The following FAM193B variants were observed in gnomAD, a reference collection of about 807,000 sequenced individuals.
The protein encoded by FAM193B is family with sequence similarity 193 member B.
A neutral mutation model predicts 70.7 loss-of-function variants in FAM193B; 27 were observed. The observed-to-expected ratio is 0.38, with a 90% CI of 0.28 to 0.53. The LOEUF (loss-of-function observed/expected upper bound fraction) is 0.53, where lower values mean the gene tolerates loss of function less well. Among genes scored for constraint, FAM193B ranks in the 20% least tolerant of loss-of-function variants. FAM193B has a pLI of 0.81. For missense variants in FAM193B, 1,022 were observed against 1,072.5 expected (o/e 0.95, Z 0.66); for synonymous variants, 448 against 436.0 (o/e 1.03, Z -0.34).
chr5:177,548,196 T>C (rs756100568), intron 1 of FAM193B, among the ~76,000 whole-genome samples: 16 of 152,252 alleles, frequency 1.1e-4, no homozygotes, highest in Non-Finnish European at 2.1e-4. Context: ...AACACTCTTT[T>C]GTTTAAAAAC....
At chr5:177,536,880 T>C (rs1044293256) in intron 3 of FAM193B, 135 bp from the exon 4 acceptor site, 10 of 1,217,770 alleles carry the variant, frequency 8.2e-6, no homozygotes, top group African/African-American at 1.6e-5. Flanking sequence ...ACCCTGGAGC[T>C]GCAGAAGATT....
At chr5:177,539,978 CT>C (rs113794199) in intron 1 of FAM193B, among the ~76,000 whole-genome samples, 26 of 148,324 alleles carry the variant, frequency 1.8e-4, no homozygotes, top group South Asian at 2.1e-4. Flanking sequence ...ATTATTTGGA[CT>C]TTTTTTTTTG....
intron 5 of FAM193B, among the ~76,000 whole-genome samples, chr5:177,528,223 C>T (rs183044074): frequency 1.6e-3 from 244 of 152,230 alleles, no homozygotes; most frequent in Non-Finnish European, 2.9e-3. Context: ...TGGACTAACA[C>T]GATAGGAACA....
At chr5:177,542,911 G>A (rs541669891) in intron 1 of FAM193B, among the ~76,000 whole-genome samples, 3 of 152,176 alleles carry the variant, frequency 2.0e-5, no homozygotes, top group South Asian at 2.1e-4. Flanking sequence ...TTCAGGCATG[G>A]ACTCAGTGGG....
At position 177,552,070 on chromosome 5, in the gene FAM193B, G is replaced by T. The variant is rs1019460870; in HGVS notation, c.210+2179C>A. 1.5e-5 allele frequency: 15 copies of T among 985,230 alleles called. No individual in the cohort carries two copies. The African/African-American group carries it at 2.4e-4, about 16-fold the overall frequency. 61.0% of individuals were successfully genotyped at this position (985,230 alleles called of 1,614,324 possible). On this transcript the variant is annotated intron_variant, in intron 1 of 8. Coordinates refer to ENST00000514747, the MANE Select transcript of FAM193B (RefSeq NM_001190946.3). ...AAAGTCCTTTTCTTTTCTTTTGTCT[G>T]ACACCTACAGTTGGAGTCATTTGGG...
Position 177,523,952 on chromosome 5 carries a change from C to T in FAM193B, c.2372+5G>A, listed in dbSNP as rs752576884. On this transcript the variant is annotated splice_donor_5th_base_variant and intron_variant, in intron 7 of 8. Coordinates refer to ENST00000514747, the MANE Select transcript of FAM193B (RefSeq NM_001190946.3). ...CAAGTGGGAGAGCAGGCAGCCCACA[C>T]CTACCTCTTAAAGTACTCCACCTCT... The T allele has an allele frequency of 1.2e-6, 2 of 1,613,834 alleles. No homozygotes were observed. Among genetic ancestry groups the T allele is most frequent in the South Asian group, 1.1e-5 (1 of 91,080 alleles).
At chr5:177,547,965 G>GTT (rs761350908) in intron 1 of FAM193B, among the ~76,000 whole-genome samples, 118 of 148,678 alleles carry the variant, frequency 7.9e-4, no homozygotes, top group Non-Finnish European at 1.3e-3. Context: ...CAGAACCGAA[G>GTT]GCACACACAC....
chr5:177,540,825 A>G (rs1764763678), intron 1 of FAM193B, among the ~76,000 whole-genome samples: 1 of 152,146 alleles, frequency 6.6e-6, no homozygotes, highest in Non-Finnish European at 1.5e-5. Flanking sequence ...ACTGGGTAAC[A>G]TGTGTCTGCA....
intron 1 of FAM193B, chr5:177,552,032 C>T: frequency 2.0e-6 from 2 of 985,412 alleles, no homozygotes; most frequent in Non-Finnish European, 2.4e-6. Context: ...TTGAAAATCC[C>T]CCAAAGTACC....
rs1465055347 is a variant in FAM193B, at chr5:177,532,948, T to G, written c.1077-307A>C. ...CACTCCATCTTCTGCTTATTGTGCGTCACTGTCATGGTCTGTTTGCGCATT... is the reference window on the plus strand; with the variant it reads ...CACTCCATCTTCTGCTTATTGTGCGGCACTGTCATGGTCTGTTTGCGCATT... On this transcript the variant is annotated intron_variant, in intron 4 of 8. Coordinates refer to ENST00000514747, the MANE Select transcript of FAM193B (RefSeq NM_001190946.3). This position sits in a 1 kb window ranked among gnomAD's most constrained non-coding sequence, Gnocchi z 4.9. Among the ~76,000 whole-genome samples, 2 of 152,250 alleles carry G rather than the reference T, an allele frequency of 1.3e-5. No individual in the cohort carries two copies. The highest frequency in any genetic ancestry group is 4.8e-5 in the African/African-American group (2 of 41,468).
intron 5 of FAM193B, chr5:177,531,868 G>T: frequency 8.5e-7 from 1 of 1,181,030 alleles, no homozygotes; most frequent in Non-Finnish European, 1.1e-6. Flanking sequence ...ATAACCCCTA[G>T]CTCAAAGGTG....
chr5:177,542,535 G>A (rs918415703), intron 1 of FAM193B, among the ~76,000 whole-genome samples: 1 of 152,202 alleles, frequency 6.6e-6, no homozygotes, highest in African/African-American at 2.4e-5. Flanking sequence ...AAACTGACTT[G>A]TTAGAAATCT....
At chr5:177,553,469 C>G (rs1766570913) in intron 1 of FAM193B, 2 of 1,107,436 alleles carry the variant, frequency 1.8e-6, no homozygotes, top group Admixed American at 4.6e-5. Flanking sequence ...ATGTCACCCC[C>G]GCCTCTCAGT....
At position 177,554,376 on chromosome 5, in the gene FAM193B, G is replaced by A. The variant is rs984672415; in HGVS notation, c.83C>T (p.Ala28Val). 20 of 1,205,130 alleles carry A rather than the reference G, an allele frequency of 1.7e-5. No individual in the cohort carries two copies. Among genetic ancestry groups the A allele is most frequent in the South Asian group, 1.6e-4 (4 of 25,246 alleles). The allele number at this position is 1,205,130 out of a possible 1,614,324, so 74.7% of individuals were successfully genotyped here. The stretch of plus-strand genomic sequence containing the variant: ...GCTTGGCGGCGGCGGGGGCTCGGGC[G>A]CCTGGGGCTTCTGCGGCCCCGCGGC... Reference protein sequence around the residue: ...ARAAGPQKPQAPEPPPPPSLE... With the variant: ...ARAAGPQKPQVPEPPPPPSLE... Residue 28 changes from alanine to valine, a missense_variant, in exon 1 of 9, where the codon GCG (alanine) becomes GTG (valine). Coordinates refer to ENST00000514747, the MANE Select transcript of FAM193B (RefSeq NM_001190946.3).
chr5:177,537,035 T>C (rs561926732), intron 3 of FAM193B, among the ~76,000 whole-genome samples: 22 of 152,166 alleles, frequency 1.4e-4, no homozygotes, highest in Admixed American at 1.4e-3. Flanking sequence ...AGGGTCTCTC[T>C]AGGATCTGCT....
In FAM193B at chr5:177,539,150, G is replaced by A. The variant is rs1466432635; in HGVS notation, c.211-3C>T. On this transcript the variant is annotated splice_polypyrimidine_tract_variant and splice_region_variant and intron_variant, in intron 1 of 8. Coordinates refer to ENST00000514747, the MANE Select transcript of FAM193B (RefSeq NM_001190946.3). ...GGCTGGCTGGAGGCGGGGGGGACCTGTCCAACAGACAGAAACAGGGTTTCC... is the reference window on the plus strand; with the variant it reads ...GGCTGGCTGGAGGCGGGGGGGACCTATCCAACAGACAGAAACAGGGTTTCC... The A allele has an allele frequency of 6.4e-7, 1 of 1,552,280 alleles. No individual in the cohort carries two copies. Among genetic ancestry groups the A allele is most frequent in the Admixed American group, 1.9e-5 (1 of 51,894 alleles).
At position 177,536,368 on chromosome 5, in the gene FAM193B, T is replaced by G. The variant is rs760009911; in HGVS notation, c.1066A>C (p.Ser356Arg). 6.2e-7 allele frequency: 1 copy of G among 1,609,368 alleles called. No homozygotes were observed. The highest frequency in any genetic ancestry group is 1.7e-5 in the Admixed American group (1 of 59,606). Reference protein sequence around the residue: ...LPPPSSQPLPSTHRDPGCKGH... With the variant: ...LPPPSSQPLPRTHRDPGCKGH... ...ATGCAGCACACTTACCTGTGAGTGC[T>G]AGGGAGTGGCTGAGAGCTCGGGGGT... is the stretch of plus-strand genomic sequence containing the variant. Residue 356 changes from serine (S) to arginine (R), a missense_variant, in exon 4 of 9, where the codon AGC becomes CGC. Ser to Arg is a moderately radical substitution (Grantham distance 110). Coordinates refer to ENST00000514747, the MANE Select transcript of FAM193B (RefSeq NM_001190946.3).
chr5:177,538,129 G>C lies in FAM193B; in HGVS notation c.454-22C>G, dbSNP rs1275427590. 2 of 1,520,250 alleles carry C rather than the reference G, an allele frequency of 1.3e-6. No individual in the cohort carries two copies. Among genetic ancestry groups the C allele is most frequent in the Non-Finnish European group, 8.9e-7 (1 of 1,126,316 alleles). The allele number at this position is 1,520,250 out of a possible 1,614,324, so 94.2% of individuals were successfully genotyped here. A position where few individuals can be genotyped will look rare whatever the true frequency, so the allele number is the denominator to read the frequency against. On this transcript the variant is annotated intron_variant, in intron 2 of 8. Transcript: ENST00000514747. This position sits in a 1 kb window ranked among gnomAD's most constrained non-coding sequence, Gnocchi z 4.1. ...AGATCTGGAGAAGGGGGAGGAAAAA[G>C]GCTCACGGTCAAACAGCAAACATCG... is the stretch of plus-strand genomic sequence containing the variant.
At chr5:177,524,163 G>T in intron 6 of FAM193B, 22 bp downstream of exon 6, 3 of 1,581,584 alleles carry the variant, frequency 1.9e-6, no homozygotes, top group Non-Finnish European at 2.6e-6. Flanking sequence ...GGGGTCAGCC[G>T]CTCAGTTCCT....
Sources: gnomAD v4.1 joint callset for allele counts (sites outside exome capture counted in the v4.1 genomes callset) on GRCh38, gnomAD v4.1.1 for gene constraint, Gnocchi (gnomAD v3.1) non-coding constraint, MANE v1.5 for transcripts, NCBI Gene and HGNC (gene_info 2026-07-23, HGNC 2026-07-21) for gene names.